Variants in HUNK observed in about 807,000 individuals in gnomAD.
HUNK encodes the protein hormonally up-regulated neu tumor-associated kinase.
In HUNK, 21 loss-of-function variants were observed where a neutral mutation model predicts 61.0. The ratio of observed to expected loss-of-function variants is 0.34; its 90% CI spans 0.24 to 0.50. The LOEUF is 0.50. HUNK is among the 20% of genes least tolerant of loss of function. HUNK has a pLI of 0.98. For synonymous variants in HUNK, 371 were observed against 386.1 expected (o/e 0.96, Z 0.46); for missense variants, 772 against 945.7 (o/e 0.82, Z 2.41).
chr21:31,917,866 T>C (rs1389845112), intron 1 of HUNK, among the ~76,000 whole-genome samples: 2 of 152,176 alleles, frequency 1.3e-5, no homozygotes, highest in Admixed American at 1.3e-4. Flanking sequence ...TGTGGTGCTA[T>C]CACTCCTGTT....
intron 8 of HUNK, among the ~76,000 whole-genome samples, chr21:31,988,645 TTC>T (rs201061882): frequency 0.045 from 6,689 of 147,484 alleles, 205 homozygotes; most frequent in South Asian, 0.1. Context: ...TCCCTCATTT[TTC>T]TCTCTTTTCT....
intron 5 of HUNK, among the ~76,000 whole-genome samples, chr21:31,961,183 A>G (rs1312681388): frequency 6.6e-6 from 1 of 151,770 alleles, no homozygotes; most frequent in Non-Finnish European, 1.5e-5. Context: ...CTATATGTAA[A>G]TCACTTTTTT....
chr21:31,900,446 A>ACACAC, intron 1 of HUNK, among the ~76,000 whole-genome samples: 1 of 143,024 alleles, frequency 7.0e-6, no homozygotes, highest in Non-Finnish European at 1.5e-5. Context: ...TAGTTACTGA[A>ACACAC]ACACACACAC....
In HUNK at chr21:31,873,753, A is replaced by C; in HGVS notation, c.79A>C (p.Arg27=). Residue 27 remains arginine (R), a synonymous_variant, in exon 1 of 11, where the codon AGG becomes CGG. Transcript: ENST00000270112. This position sits in a 1 kb window ranked among gnomAD's most constrained non-coding sequence, Gnocchi z 6.1. The part of the protein sequence containing the change: ...GGGGGAEDAA[R]PAAACEGSFL... ...CGGCGGCGGCGCGGAGGACGCGGCC[A>C]GGCCCGCGGCGGCCTGCGAGGGAAG... is the stretch of plus-strand genomic sequence containing the variant. 7.0e-7 allele frequency: 1 copy of C among 1,429,102 alleles called. No homozygotes were observed. The allele number at this position is 1,429,102 out of a possible 1,614,324, so 88.5% of individuals were successfully genotyped here.
intron 5 of HUNK, among the ~76,000 whole-genome samples, chr21:31,965,426 ACCTGCACATGTACC>A (rs1369226272): frequency 5.3e-5 from 8 of 151,982 alleles, no homozygotes; most frequent in African/African-American, 1.9e-4. Flanking sequence ...TATATAACAA[ACCTGCACATGTACC>A]CCCGAACCTA....
intron 2 of HUNK, among the ~76,000 whole-genome samples, chr21:31,938,763 C>A (rs2052749145): frequency 6.6e-6 from 1 of 152,014 alleles, no homozygotes; most frequent in Non-Finnish European, 1.5e-5. Context: ...TTGTGTGTGT[C>A]TGTGTGTGTG....
intron 5 of HUNK, among the ~76,000 whole-genome samples, chr21:31,966,055 C>T (rs1019717375): frequency 6.6e-6 from 1 of 152,118 alleles, no homozygotes; most frequent in East Asian, 1.9e-4. Flanking sequence ...TTATCCCCTG[C>T]CCCTCTCCTA....
intron 1 of HUNK, among the ~76,000 whole-genome samples, chr21:31,883,811 G>T (rs1019747205): frequency 6.6e-6 from 1 of 152,162 alleles, no homozygotes; most frequent in Non-Finnish European, 1.5e-5. Flanking sequence ...TGTTGGCTCT[G>T]CTGACTAAAT....
chr21:31,919,446 C>T (rs916724430), intron 1 of HUNK, among the ~76,000 whole-genome samples: 1 of 152,282 alleles, frequency 6.6e-6, no homozygotes, highest in African/African-American at 2.4e-5. Context: ...AGCATGCACC[C>T]TTAAGCCTGG....
Position 31,974,533 on chromosome 21 carries a change from CCTCT to C in HUNK, c.1011-15_1011-12del, listed in dbSNP as rs2053034843. 6.2e-7 allele frequency: 1 copy of C among 1,603,504 alleles called. No homozygotes were observed. The highest frequency in any genetic ancestry group is 8.5e-7 in the Non-Finnish European group (1 of 1,174,784). On this transcript the variant is annotated intron_variant, in intron 6 of 10. Coordinates refer to ENST00000270112, the MANE Select transcript of HUNK (RefSeq NM_014586.2). ...TCCGTGAAGTGCAGGGGTGACTGGT[CCTCT>C]CTCTCTGCACCTCGCAGGATTTCTC...
intron 9 of HUNK, among the ~76,000 whole-genome samples, chr21:31,994,386 A>G (rs2053189777): frequency 6.6e-6 from 1 of 152,190 alleles, no homozygotes; most frequent in Admixed American, 6.5e-5. Flanking sequence ...TTATCTGCAG[A>G]CTTTGAACAT....
chr21:31,903,567 G>A (rs2052484036), intron 1 of HUNK, among the ~76,000 whole-genome samples: 1 of 152,080 alleles, frequency 6.6e-6, no homozygotes, highest in African/African-American at 2.4e-5. Context: ...TGATGAATAA[G>A]AAGTCTATAT....
In HUNK at chr21:31,958,976, G is replaced by A. The variant is rs772570228; in HGVS notation, c.874+6G>A. ...CCCCACTCAGCTCTCCACAGGTAAT[G>A]CACCAGCTGCTCTAGATCACGGTTC... is the stretch of plus-strand genomic sequence containing the variant. On this transcript the variant is annotated splice_donor_region_variant and intron_variant, in intron 5 of 10. Coordinates refer to ENST00000270112, the MANE Select transcript of HUNK (RefSeq NM_014586.2). The A allele has an allele frequency of 1.9e-6, 3 of 1,593,378 alleles. No homozygotes were observed. The highest frequency in any genetic ancestry group is 1.3e-5 in the African/African-American group (1 of 74,130).
intron 1 of HUNK, among the ~76,000 whole-genome samples, chr21:31,885,417 G>C (rs888879236): frequency 2.0e-5 from 3 of 152,178 alleles, no homozygotes; most frequent in Non-Finnish European, 1.5e-5. Context: ...GACCGTCTCT[G>C]AATGCCCTGT....
At chr21:31,876,513 A>G (rs915779224) in intron 1 of HUNK, among the ~76,000 whole-genome samples, 1 of 152,234 alleles carries the variant, frequency 6.6e-6, no homozygotes, top group Non-Finnish European at 1.5e-5. Flanking sequence ...CTAAATTAAA[A>G]TGAGTCCTCA....
chr21:32,000,807 G>A lies in HUNK; in HGVS notation c.*1623G>A. On this transcript the variant is annotated 3_prime_UTR_variant, in exon 11 of 11. Coordinates refer to ENST00000270112, the MANE Select transcript of HUNK (RefSeq NM_014586.2). The stretch of plus-strand genomic sequence containing the variant: ...CCTTCAGTCCCTCACATCTCTGACA[G>A]AGCGGGACAGAATGGATATTTGGCT... 2.5e-6 allele frequency: 1 copy of A among 398,474 alleles called. No individual in the cohort carries two copies. The highest frequency in any genetic ancestry group is 4.4e-6 in the Non-Finnish European group (1 of 226,100). The allele number at this position is 398,474 out of a possible 1,614,324, so 24.7% of individuals were successfully genotyped here.
rs1369320108 is a variant in HUNK at position 31,999,241 on chromosome 21, C to T, written c.*57C>T. On this transcript the variant is annotated 3_prime_UTR_variant, in exon 11 of 11. Coordinates refer to ENST00000270112, the MANE Select transcript of HUNK (RefSeq NM_014586.2). ...AAAACAGCAACTGAACAGAGCTCCA[C>T]ACATCTGTCAGGGTGTGAGCACTCC... 1.4e-6 allele frequency: 2 copies of T among 1,460,628 alleles called. No homozygotes were observed. Among genetic ancestry groups the T allele is most frequent in the Non-Finnish European group, 9.3e-7 (1 of 1,074,254 alleles). The allele number at this position is 1,460,628 out of a possible 1,614,324, so 90.5% of individuals were successfully genotyped here.
intron 1 of HUNK, among the ~76,000 whole-genome samples, chr21:31,876,648 A>C (rs2052264399): frequency 6.6e-6 from 1 of 152,132 alleles, no homozygotes; most frequent in Non-Finnish European, 1.5e-5. Flanking sequence ...GCCTGGGGAA[A>C]GTTTCCTCCA....
intron 10 of HUNK, among the ~76,000 whole-genome samples, chr21:31,997,987 G>A (rs184982825): frequency 1.3e-5 from 2 of 151,804 alleles, no homozygotes; most frequent in Non-Finnish European, 1.5e-5. Context: ...GTGCCATCAC[G>A]GCTCACTGCA....
Sources: gnomAD v4.1 joint callset for allele counts (sites outside exome capture counted in the v4.1 genomes callset) on GRCh38, gnomAD v4.1.1 for gene constraint, Gnocchi (gnomAD v3.1) non-coding constraint, MANE v1.5 for transcripts, NCBI Gene and HGNC (gene_info 2026-07-23, HGNC 2026-07-21) for gene names.